CDH4: variants seen among roughly 807,000 people sequenced by gnomAD.
The protein encoded by CDH4 is cadherin 4.
Under a neutral mutation model 86.0 loss-of-function variants are expected in CDH4, and 33 were observed. The ratio of observed to expected loss-of-function variants is 0.38; its 90% CI spans 0.29 to 0.51. The LOEUF (loss-of-function observed/expected upper bound fraction) is 0.51. Ranked by LOEUF, CDH4 falls within the 20% of genes least tolerant of loss-of-function variation. CDH4 has a pLI of 0.86. For missense variants in CDH4, 1,114 were observed against 1,307.4 expected, an observed-to-expected ratio of 0.85 and a Z score of 2.28; for synonymous variants, 555 against 549.4, an observed-to-expected ratio of 1.01 and a Z score of -0.14.
At chr20:61,802,858 C>T (rs1007762419) in intron 4 of CDH4, among the ~76,000 whole-genome samples, 1 of 152,224 alleles carries the variant, frequency 6.6e-6, no homozygotes, top group African/African-American at 2.4e-5. Flanking sequence ...GTGCATGCAG[C>T]GTTCCTCCCC....
At chr20:61,711,494 C>T (rs2087892797) in intron 2 of CDH4, among the ~76,000 whole-genome samples, 1 of 152,238 alleles carries the variant, frequency 6.6e-6, no homozygotes. Context: ...TGTGTTCCGA[C>T]TCTGCCTTCT....
chr20:61,888,878 A>G (rs1292310295), intron 7 of CDH4, among the ~76,000 whole-genome samples: 1 of 152,190 alleles, frequency 6.6e-6, no homozygotes, highest in Non-Finnish European at 1.5e-5. Flanking sequence ...CCTGGCCCTC[A>G]CTGGACTCAG....
chr20:61,483,905 A>G (rs1197838846), intron 2 of CDH4, among the ~76,000 whole-genome samples: 1 of 152,134 alleles, frequency 6.6e-6, no homozygotes, highest in Non-Finnish European at 1.5e-5. Flanking sequence ...GTGTAGTTTT[A>G]TCTTACCACG....
At chr20:61,628,714 G>T (rs545144282) in intron 2 of CDH4, among the ~76,000 whole-genome samples, 29 of 152,294 alleles carry the variant, frequency 1.9e-4, no homozygotes, top group African/African-American at 5.8e-4. Context: ...CTAGACTCAC[G>T]CCCACTGACT....
chr20:61,488,944 A>G (rs548850735), intron 2 of CDH4, among the ~76,000 whole-genome samples: 6 of 152,324 alleles, frequency 3.9e-5, no homozygotes, highest in Non-Finnish European at 7.4e-5. Context: ...GCCATCTTAA[A>G]TCACTTTTTT....
chr20:61,648,453 G>A (rs1039552829), intron 2 of CDH4, among the ~76,000 whole-genome samples: 1 of 152,198 alleles, frequency 6.6e-6, no homozygotes, highest in African/African-American at 2.4e-5. Flanking sequence ...GTCCAACCGA[G>A]CTGGAGGCAC....
chr20:61,869,536 A>G (rs1465462826), intron 6 of CDH4, among the ~76,000 whole-genome samples: 1 of 152,112 alleles, frequency 6.6e-6, no homozygotes, highest in Non-Finnish European at 1.5e-5. Context: ...CGTCTGTGGG[A>G]TTCAGTTTCC....
chr20:61,687,110 AG>A (rs2087591099), intron 2 of CDH4, among the ~76,000 whole-genome samples: 1 of 152,220 alleles, frequency 6.6e-6, no homozygotes, highest in Non-Finnish European at 1.5e-5. Context: ...CGCCCTGGCC[AG>A]TCCCTCAGAC....
chr20:61,397,292 G>A (rs910213174), intron 2 of CDH4, among the ~76,000 whole-genome samples: 28 of 152,086 alleles, frequency 1.8e-4, no homozygotes, highest in African/African-American at 5.3e-4. Flanking sequence ...TTCTTGCGAC[G>A]AATGGAGGAG....
At chr20:61,532,625 C>T (rs1436854378) in intron 2 of CDH4, among the ~76,000 whole-genome samples, 2 of 152,188 alleles carry the variant, frequency 1.3e-5, no homozygotes, top group Non-Finnish European at 2.9e-5. Flanking sequence ...TCTCCTGCCC[C>T]AGAAATCAGT....
intron 2 of CDH4, among the ~76,000 whole-genome samples, chr20:61,378,793 G>C (rs2084885057): frequency 6.6e-6 from 1 of 152,084 alleles, no homozygotes; most frequent in African/African-American, 2.4e-5. Context: ...ACTTTTTTTG[G>C]AAGTATTTCT....
rs939322718 is a variant in CDH4, at chr20:61,708,965, C to T, written c.170-34598C>T. 3.9e-5 allele frequency among the ~76,000 whole-genome samples: 6 copies of T among 152,362 alleles called. No individual in the cohort carries two copies. Among genetic ancestry groups the T allele is most frequent in the Non-Finnish European group, 5.9e-5 (4 of 68,032 alleles). ...ACAAAAGGCTGTTCCTTCAGCCAGA[C>T]GGACGGGCAGCAGACCTGCTCAGCC... On this transcript the variant is annotated intron_variant, in intron 2 of 15. Transcript: ENST00000614565. This position sits in a 1 kb window ranked among gnomAD's most constrained non-coding sequence, Gnocchi z 4.5.
chr20:61,484,847 C>T (rs963527644), intron 2 of CDH4, among the ~76,000 whole-genome samples: 1 of 152,216 alleles, frequency 6.6e-6, no homozygotes, highest in African/African-American at 2.4e-5. Flanking sequence ...CCACAGCCCT[C>T]CTCAGGCTTA....
intron 2 of CDH4, among the ~76,000 whole-genome samples, chr20:61,372,933 C>T (rs930846242): frequency 6.6e-6 from 1 of 152,284 alleles, no homozygotes; most frequent in Non-Finnish European, 1.5e-5. Flanking sequence ...CACGCAACCC[C>T]AGCCCCGTGC....
chr20:61,388,281 A>AG (rs1328655981), intron 2 of CDH4, among the ~76,000 whole-genome samples: 2 of 136,328 alleles, frequency 1.5e-5, no homozygotes, highest in Admixed American at 7.2e-5. Flanking sequence ...GGGTGGGGGT[A>AG]GGGGGGTGTG....
intron 2 of CDH4, among the ~76,000 whole-genome samples, chr20:61,598,638 C>T (rs2086574828): frequency 6.6e-6 from 1 of 152,196 alleles, no homozygotes; most frequent in Non-Finnish European, 1.5e-5. Context: ...CACCTCCCAC[C>T]CGACCCTGGG....
At chr20:61,832,254 T>A (rs568643235) in intron 4 of CDH4, among the ~76,000 whole-genome samples, 1 of 152,300 alleles carries the variant, frequency 6.6e-6, no homozygotes, top group Non-Finnish European at 1.5e-5. Flanking sequence ...GGATCCCAGC[T>A]CAAGGGCTTG....
At chr20:61,532,538 G>T (rs1402558468) in intron 2 of CDH4, among the ~76,000 whole-genome samples, 1 of 152,276 alleles carries the variant, frequency 6.6e-6, no homozygotes, top group African/African-American at 2.4e-5. Context: ...GCACACAACA[G>T]AAAACGATGA....
chr20:61,394,652 T>G (rs925024504), intron 2 of CDH4, among the ~76,000 whole-genome samples: 2 of 151,704 alleles, frequency 1.3e-5, no homozygotes, highest in African/African-American at 4.8e-5. Flanking sequence ...GGCAGATAAG[T>G]GCCATCTGAG....
Sources: gnomAD v4.1 joint callset for allele counts (sites outside exome capture counted in the v4.1 genomes callset) on GRCh38, gnomAD v4.1.1 for gene constraint, Gnocchi (gnomAD v3.1) non-coding constraint, MANE v1.5 for transcripts, NCBI Gene and HGNC (gene_info 2026-07-23, HGNC 2026-07-21) for gene names.